Variants in NEDD4L observed in about 807,000 individuals in gnomAD.
NEDD4L encodes NEDD4 like E3 ubiquitin protein ligase, also known as E3 ubiquitin-protein ligase NEDD4-like.
NEDD4L carries 54 observed loss-of-function variants against 148.9 expected under a neutral mutation model. That is an observed-to-expected ratio of 0.36 (90% CI 0.29 to 0.45). The LOEUF (loss-of-function observed/expected upper bound fraction) is 0.45. NEDD4L is among the 20% of genes least tolerant of loss of function. The pLI is 1.00. For missense variants in NEDD4L, 856 were observed against 1,233.8 expected, an observed-to-expected ratio of 0.69 and a Z score of 4.59; for synonymous variants, 433 against 440.7, an observed-to-expected ratio of 0.98 and a Z score of 0.22.
At chr18:58,155,270 A>G (rs1437847596) in intron 1 of NEDD4L, among the ~76,000 whole-genome samples, 3 of 38,520 alleles carry the variant, frequency 7.8e-5, no homozygotes, top group South Asian at 2.3e-3. Context: ...TTGTGTTTTG[A>G]AAAAAAAAAA....
At chr18:58,295,404 A>C (rs1305671879) in intron 5 of NEDD4L, among the ~76,000 whole-genome samples, 1 of 152,098 alleles carries the variant, frequency 6.6e-6, no homozygotes, top group East Asian at 1.9e-4. Flanking sequence ...TTTACTTAGT[A>C]ATATGCATTT....
chr18:58,047,286 C>T (rs1196898502), intron 1 of NEDD4L: 1 of 983,752 alleles, frequency 1.0e-6, no homozygotes, highest in Non-Finnish European at 1.2e-6. Flanking sequence ...GACACACATA[C>T]CTACCACATT....
chr18:58,081,683 T>C (rs1172671320), intron 1 of NEDD4L, among the ~76,000 whole-genome samples: 1 of 152,210 alleles, frequency 6.6e-6, no homozygotes, highest in Non-Finnish European at 1.5e-5. Context: ...CCTTGATTTA[T>C]GTTTTGTTTT....
intron 1 of NEDD4L, among the ~76,000 whole-genome samples, chr18:58,052,009 G>T (rs1002237606): frequency 1.3e-5 from 2 of 152,100 alleles, no homozygotes; most frequent in Non-Finnish European, 2.9e-5. Flanking sequence ...GTTACTGTTG[G>T]CTCGGGTGTT....
At chr18:58,343,249 C>A in intron 16 of NEDD4L, 146 bp downstream of exon 16, 1 of 588,924 alleles carries the variant, frequency 1.7e-6, no homozygotes, top group South Asian at 3.4e-5. Flanking sequence ...CTGCATCTGG[C>A]CCCTGCATAA....
chr18:58,281,668 GA>G (rs964578793), intron 5 of NEDD4L, among the ~76,000 whole-genome samples: 19 of 149,596 alleles, frequency 1.3e-4, no homozygotes, highest in Non-Finnish European at 2.4e-4. Context: ...AAAGAAAAAA[GA>G]AAAAAAAACT....
chr18:58,359,927 C>T (rs2045249551), intron 19 of NEDD4L: 1 of 152,220 alleles, frequency 6.6e-6, no homozygotes, highest in Non-Finnish European at 1.5e-5. Context: ...ATCTCTTAGT[C>T]TTTGACTCAA....
chr18:58,119,206 T>C (rs978871040), intron 1 of NEDD4L, among the ~76,000 whole-genome samples: 3 of 152,310 alleles, frequency 2.0e-5, no homozygotes, highest in Admixed American at 1.3e-4. Context: ...CATCTTTCCC[T>C]TCTGTTCCAG....
chr18:58,067,251 A>G (rs2082644911), intron 1 of NEDD4L, among the ~76,000 whole-genome samples: 1 of 152,214 alleles, frequency 6.6e-6, no homozygotes, highest in South Asian at 2.1e-4. Flanking sequence ...AAGACTGGAT[A>G]AAAGTCCAAA....
chr18:58,192,359 G>A (rs1431057448), intron 2 of NEDD4L, among the ~76,000 whole-genome samples: 2 of 152,158 alleles, frequency 1.3e-5, no homozygotes, highest in Non-Finnish European at 1.5e-5. Flanking sequence ...AGGTGCCATC[G>A]TTAATTTGGT....
chr18:58,093,636 C>T (rs1311454505), intron 1 of NEDD4L, among the ~76,000 whole-genome samples: 1 of 152,038 alleles, frequency 6.6e-6, no homozygotes, highest in Non-Finnish European at 1.5e-5. Context: ...GAAAGAAGTG[C>T]GATACAGTTG....
intron 17 of NEDD4L, among the ~76,000 whole-genome samples, chr18:58,350,234 G>A (rs1389472150): frequency 6.6e-6 from 1 of 152,104 alleles, no homozygotes; most frequent in Admixed American, 6.5e-5. Context: ...GGGAATTTTT[G>A]TTGTTGTTTT....
chr18:58,089,126 ATT>A (rs570623396), intron 1 of NEDD4L, among the ~76,000 whole-genome samples: 5,992 of 100,394 alleles, frequency 0.06, 84 homozygotes, highest in Admixed American at 0.11. Flanking sequence ...TTATTTCATA[ATT>A]TTTTTTTTTT....
chr18:58,379,991 C>T (rs1178874576), intron 24 of NEDD4L, among the ~76,000 whole-genome samples: 3 of 152,076 alleles, frequency 2.0e-5, no homozygotes, highest in African/African-American at 7.2e-5. Context: ...TGAGACTTGA[C>T]GGCTGCCCAC....
intron 1 of NEDD4L, among the ~76,000 whole-genome samples, chr18:58,151,623 A>ATGTGTGTGTGTG (rs1491376739): frequency 1.8e-3 from 102 of 56,656 alleles, no homozygotes; most frequent in African/African-American, 5.7e-3. Context: ...CTGTGCCTGG[A>ATGTGTGTGTGTG]TATGTGTGTG....
At chr18:58,078,807 T>C (rs778887809) in intron 1 of NEDD4L, among the ~76,000 whole-genome samples, 1 of 152,126 alleles carries the variant, frequency 6.6e-6, no homozygotes, top group Non-Finnish European at 1.5e-5. Context: ...GTGGTATTGG[T>C]CAGTCCGTTT....
At chr18:58,217,793 G>A (rs2043305689) in intron 2 of NEDD4L, among the ~76,000 whole-genome samples, 1 of 151,842 alleles carries the variant, frequency 6.6e-6, no homozygotes. Flanking sequence ...ATCTATATTT[G>A]GCTATATTTA....
intron 5 of NEDD4L, among the ~76,000 whole-genome samples, chr18:58,278,214 T>A (rs774904171): frequency 1.3e-4 from 20 of 152,226 alleles, no homozygotes; most frequent in Non-Finnish European, 2.4e-4. Flanking sequence ...ATGCATGCCT[T>A]TCGCAATCAA....
chr18:58,222,878 T>G (rs928522784), intron 2 of NEDD4L, among the ~76,000 whole-genome samples: 9 of 152,224 alleles, frequency 5.9e-5, no homozygotes, highest in African/African-American at 2.2e-4. Context: ...TTACACATGT[T>G]TGAATGAGAT....
Sources: gnomAD v4.1 joint callset for allele counts (sites outside exome capture counted in the v4.1 genomes callset) on GRCh38, gnomAD v4.1.1 for gene constraint, MANE v1.5 for transcripts, NCBI Gene and HGNC (gene_info 2026-07-23, HGNC 2026-07-21) for gene names.